Variants in TCERG1L observed in about 807,000 individuals in gnomAD.
The protein encoded by TCERG1L is transcription elongation regulator 1 like, also known as transcription elongation regulator 1-like protein.
TCERG1L carries 37 observed loss-of-function variants against 56.3 expected under a neutral mutation model. The ratio of observed to expected loss-of-function variants is 0.66; its 90% CI spans 0.51 to 0.87. TCERG1L has a LOEUF of 0.87. Among genes scored for constraint, TCERG1L ranks in the 40% least tolerant of loss-of-function variants. The pLI is 0.00. For missense variants in TCERG1L, 799 were observed against 774.2 expected, an observed-to-expected ratio of 1.03 and a Z score of -0.38; for synonymous variants, 324 against 326.3, an observed-to-expected ratio of 0.99 and a Z score of 0.08.
At chr10:131,229,847 T>TAAAAA (rs1845830338) in intron 4 of TCERG1L, among the ~76,000 whole-genome samples, 1 of 152,046 alleles carries the variant, frequency 6.6e-6, no homozygotes, top group Admixed American at 6.5e-5. Flanking sequence ...AAAGAAGTGA[T>TAAAAA]AATAATAATA....
At chr10:131,203,823 C>A (rs1284307473) in intron 4 of TCERG1L, among the ~76,000 whole-genome samples, 1 of 152,196 alleles carries the variant, frequency 6.6e-6, no homozygotes, top group East Asian at 1.9e-4. Flanking sequence ...CCACTTCAGA[C>A]CTCCTCCAAG....
At chr10:131,298,528 C>G (rs1032993950) in intron 3 of TCERG1L, among the ~76,000 whole-genome samples, 1 of 152,114 alleles carries the variant, frequency 6.6e-6, no homozygotes, top group South Asian at 2.1e-4. Flanking sequence ...ATTCTCCTAC[C>G]TCAGCCTCCC....
chr10:131,206,934 A>C (rs574276021), intron 4 of TCERG1L, among the ~76,000 whole-genome samples: 68 of 152,260 alleles, frequency 4.5e-4, no homozygotes, highest in South Asian at 1.9e-3. Context: ...GGGCCAGGGA[A>C]GCAAATGGTC....
At chr10:131,195,755 C>T (rs1234900444) in intron 4 of TCERG1L, among the ~76,000 whole-genome samples, 2 of 152,310 alleles carry the variant, frequency 1.3e-5, no homozygotes, top group Non-Finnish European at 2.9e-5. Context: ...TTCTGGGGGA[C>T]GCCCCTGCCA....
At chr10:131,290,671 A>G (rs1328281056) in intron 3 of TCERG1L, among the ~76,000 whole-genome samples, 2 of 152,058 alleles carry the variant, frequency 1.3e-5, no homozygotes, top group Non-Finnish European at 2.9e-5. Flanking sequence ...TTAAAACAAA[A>G]CAACAGCATT....
At chr10:131,236,470 C>G (rs1589757375) in intron 4 of TCERG1L, among the ~76,000 whole-genome samples, 1 of 152,228 alleles carries the variant, frequency 6.6e-6, no homozygotes, top group African/African-American at 2.4e-5. Context: ...ATCAGCATCC[C>G]AGGGTCACCG....
chr10:131,220,422 G>A (rs770363588), intron 4 of TCERG1L, among the ~76,000 whole-genome samples: 4 of 152,198 alleles, frequency 2.6e-5, no homozygotes, highest in Non-Finnish European at 5.9e-5. Flanking sequence ...CCTGGTCAGC[G>A]TTTGCTCCTC....
chr10:131,306,682 T>A (rs939364179), intron 3 of TCERG1L, among the ~76,000 whole-genome samples: 1 of 152,114 alleles, frequency 6.6e-6, no homozygotes, highest in African/African-American at 2.4e-5. Flanking sequence ...TGTAAAAATT[T>A]AAAAAATAGA....
intron 6 of TCERG1L, among the ~76,000 whole-genome samples, chr10:131,149,126 T>A (rs777763085): frequency 3.3e-4 from 50 of 152,196 alleles, no homozygotes; most frequent in Non-Finnish European, 6.5e-4. Context: ...ACCCTTCAGA[T>A]GGGGGGTGGA....
At chr10:131,191,864 C>CAAAAAAAAAAA (rs59816491) in intron 4 of TCERG1L, among the ~76,000 whole-genome samples, 8 of 28,712 alleles carry the variant, frequency 2.8e-4, no homozygotes, top group Non-Finnish European at 4.1e-4. Context: ...GACTCCGTCT[C>CAAAAAAAAAAA]AAAAAAAAAA....
At chr10:131,290,266 T>C (rs1236109567) in intron 3 of TCERG1L, among the ~76,000 whole-genome samples, 3 of 152,226 alleles carry the variant, frequency 2.0e-5, no homozygotes, top group Non-Finnish European at 4.4e-5. Flanking sequence ...CGAGCAGGTG[T>C]GTACATGTTC....
chr10:131,272,360 TTTG>T (rs1846349036), intron 3 of TCERG1L, among the ~76,000 whole-genome samples: 1 of 152,170 alleles, frequency 6.6e-6, no homozygotes, highest in African/African-American at 2.4e-5. Context: ...ATTTCTGGTG[TTTG>T]TTGTTCTGGT....
chr10:131,166,960 A>G, intron 4 of TCERG1L, 75 bp from the exon 5 acceptor site: 1 of 1,365,002 alleles, frequency 7.3e-7, no homozygotes, highest in Non-Finnish European at 1.0e-6. Context: ...ATCAAAGACA[A>G]AAAGTGGCCC....
chr10:131,117,682 C>T (rs539571773), intron 8 of TCERG1L, among the ~76,000 whole-genome samples: 1 of 152,146 alleles, frequency 6.6e-6, no homozygotes, highest in African/African-American at 2.4e-5. Context: ...GGGCAGCTCA[C>T]CAGCACTCCC....
chr10:131,296,669 T>C (rs1646332624), intron 3 of TCERG1L, among the ~76,000 whole-genome samples: 1 of 152,254 alleles, frequency 6.6e-6, no homozygotes, highest in African/African-American at 2.4e-5. Flanking sequence ...AACTGGGATT[T>C]TGTTTAGGGT....
At chr10:131,262,616 G>A (rs1784095697) in intron 3 of TCERG1L, among the ~76,000 whole-genome samples, 1 of 152,164 alleles carries the variant, frequency 6.6e-6, no homozygotes, top group Non-Finnish European at 1.5e-5. Flanking sequence ...CAGCGTGGTG[G>A]GTTTGTTACA....
chr10:131,195,426 A>G (rs1398912769), intron 4 of TCERG1L, among the ~76,000 whole-genome samples: 1 of 152,228 alleles, frequency 6.6e-6, no homozygotes, highest in Admixed American at 6.5e-5. Context: ...GACGGAAACC[A>G]AAAAGGAGGA....
intron 6 of TCERG1L, among the ~76,000 whole-genome samples, chr10:131,160,532 C>A (rs1173965676): frequency 2.0e-5 from 3 of 152,196 alleles, no homozygotes; most frequent in Non-Finnish European, 4.4e-5. Context: ...GCAAGTACCC[C>A]TGGCTTAGCT....
rs71009957 is a variant in TCERG1L at position 131,291,401 on chromosome 10, C to CTTTTTTTTT, written c.670+16801_670+16809dup. Among the ~76,000 whole-genome samples the CTTTTTTTTT allele has an allele frequency of 4.5e-3, 163 of 36,592 alleles. 50 individuals carry two copies. Among genetic ancestry groups the CTTTTTTTTT allele is most frequent in the African/African-American group, 5.5e-3 (55 of 10,020 alleles). The allele number at this position is 36,592 out of a possible 152,430, so 24.0% of individuals were successfully genotyped here. On this transcript the variant is annotated intron_variant, in intron 3 of 11. Transcript: ENST00000368642. The stretch of plus-strand genomic sequence containing the variant: ...TGTGTATATTCCATAAACAGCATTT[C>CTTTTTTTTT]TTTTTTTTTTTTTTTTTTTTTTTTT...
Sources: allele counts gnomAD v4.1 joint callset (sites outside exome capture counted in the v4.1 genomes callset), GRCh38; gene constraint gnomAD v4.1.1; transcripts MANE v1.5; gene names NCBI Gene and HGNC (gene_info 2026-07-23, HGNC 2026-07-21).